The following TK2 variants were observed in gnomAD, a reference collection of about 807,000 sequenced individuals.
TK2 encodes thymidine kinase 2, also known as thymidine kinase 2, mitochondrial.
Under a neutral mutation model 41.9 loss-of-function variants are expected in TK2, and 35 were observed. That is an observed-to-expected ratio of 0.84 (90% CI 0.64 to 1.11). The LOEUF is 1.11. Among genes scored for constraint, TK2 ranks in the 50% least tolerant of loss-of-function variants. The pLI is 0.00. For missense variants in TK2, 320 were observed against 351.1 expected (o/e 0.91, Z 0.71); for synonymous variants, 128 against 129.1 (o/e 0.99, Z 0.06).
chr16:66,519,062 C>T (rs1050811904), intron 6 of TK2, among the ~76,000 whole-genome samples: 18 of 150,058 alleles, frequency 1.2e-4, no homozygotes, highest in Non-Finnish European at 1.5e-5. Flanking sequence ...CCCAGGTTCA[C>T]GCCATTCTCC....
At position 66,517,301 on chromosome 16, in the gene TK2, T is replaced by G; in HGVS notation, c.539-86A>C. On this transcript the variant is annotated intron_variant, in intron 7 of 9. Coordinates refer to ENST00000544898, the MANE Select transcript of TK2 (RefSeq NM_004614.5). The surrounding 1 kb of genome is among the most constrained non-coding windows in gnomAD (Gnocchi z 4.3). ...CACACAGGCAAAGGCGGGAGGAAGG[T>G]CTGCACAGCTCGAGCAGGAAGCAGG... 1 of 1,125,452 alleles carries G rather than the reference T, an allele frequency of 8.9e-7. No individual in the cohort carries two copies. Among genetic ancestry groups the G allele is most frequent in the Non-Finnish European group, 1.4e-6 (1 of 735,468 alleles). 69.7% of individuals were successfully genotyped at this position (1,125,452 alleles called of 1,614,324 possible).
chr16:66,513,890 C>A, intron 8 of TK2, 79 bp from the exon 9 acceptor site: 1 of 1,245,648 alleles, frequency 8.0e-7, no homozygotes, highest in South Asian at 1.2e-5. Flanking sequence ...CAGAGGGGGT[C>A]AAAGTAGTCA....
At chr16:66,519,739 C>T (rs573612204) in intron 6 of TK2, among the ~76,000 whole-genome samples, 4 of 152,314 alleles carry the variant, frequency 2.6e-5, no homozygotes, top group African/African-American at 9.6e-5. Context: ...CCACTAGTGG[C>T]TCCATGTGGG....
intron 4 of TK2, among the ~76,000 whole-genome samples, chr16:66,533,264 G>A (rs1308153032): frequency 1.4e-5 from 2 of 147,000 alleles, no homozygotes; most frequent in Non-Finnish European, 3.0e-5. Context: ...GTAGAGACGG[G>A]GTTTCACCAT....
chr16:66,528,851 T>C (rs1965017005), intron 6 of TK2, 143 bp downstream of exon 6: 2 of 791,070 alleles, frequency 2.5e-6, no homozygotes. Context: ...GATTCGTGGC[T>C]GTTTGTTACA....
intron 1 of TK2, 59 bp downstream of exon 1, chr16:66,549,879 G>GGCC: frequency 6.2e-6 from 8 of 1,297,216 alleles, no homozygotes; most frequent in Non-Finnish European, 7.8e-6. Context: ...GAAGCCGAGG[G>GGCC]GCCGGGAGTA....
rs1301736698 is a variant in TK2, at chr16:66,514,867, C to G, written c.619-1056G>C. On this transcript the variant is annotated intron_variant, in intron 8 of 9. Transcript: ENST00000544898. This position sits in a 1 kb window ranked among gnomAD's most constrained non-coding sequence, Gnocchi z 4.2. Reference sequence around the variant, plus strand: ...GATGCTGTTAGTCTATAACCTTACCCCCAACCCCGTGCTCTCTGAAACGTG... The same window carrying G: ...GATGCTGTTAGTCTATAACCTTACCGCCAACCCCGTGCTCTCTGAAACGTG... Among the ~76,000 whole-genome samples the G allele has an allele frequency of 3.3e-5, 5 of 152,280 alleles. No individual in the cohort carries two copies. Among genetic ancestry groups the G allele is most frequent in the South Asian group, 2.1e-4 (1 of 4,828 alleles).
rs1398086838 is a variant in TK2, at chr16:66,541,915, T to C, written c.195A>G (p.Thr65=). 5.6e-6 allele frequency: 9 copies of C among 1,614,016 alleles called. 1 individual carries two copies. Among genetic ancestry groups the C allele is most frequent in the African/African-American group, 1.3e-5 (1 of 74,902 alleles). ...VEGNIASGKT[T]CLEFFSNATD... ...TCGCGTTGGAGAAGAATTCCAGGCA[T>C]GTCGTCTTCCCACTTGCAATATTGC... The change falls in exon 3 of 10, where the codon ACA becomes ACG. Residue 65 remains threonine (T), a synonymous_variant. Transcript: ENST00000544898.
intron 2 of TK2, among the ~76,000 whole-genome samples, chr16:66,543,425 A>T (rs1229698506): frequency 2.0e-5 from 3 of 152,224 alleles, no homozygotes; most frequent in African/African-American, 7.2e-5. Flanking sequence ...TGCTGATGAC[A>T]TAGGCCCAGT....
rs1330919418 is a variant in TK2, at chr16:66,508,289, A to G, written c.*3679T>C. 4 of 152,262 alleles carry G rather than the reference A, an allele frequency of 2.6e-5. No individual in the cohort carries two copies. The highest frequency in any genetic ancestry group is 9.6e-5 in the African/African-American group (4 of 41,472). 9.4% of individuals were successfully genotyped at this position (152,262 alleles called of 1,614,324 possible). A position where few individuals can be genotyped will look rare whatever the true frequency, so the allele number is the denominator to read the frequency against. On this transcript the variant is annotated 3_prime_UTR_variant, in exon 10 of 10. Transcript: ENST00000544898. The stretch of plus-strand genomic sequence containing the variant: ...CCAAGTTCACCATCTTATGTAAACT[A>G]AAGGAACACGAAATTCACTCTAGCC...
chr16:66,510,881 G>A lies in TK2; in HGVS notation c.*1087C>T, dbSNP rs151120042. 93 of 152,220 alleles carry A rather than the reference G, an allele frequency of 6.1e-4. No individual in the cohort carries two copies. The highest frequency in any genetic ancestry group is 3.7e-3 in the Admixed American group (57 of 15,264). The allele number at this position is 152,220 out of a possible 1,614,324, so 9.4% of individuals were successfully genotyped here. On this transcript the variant is annotated 3_prime_UTR_variant, in exon 10 of 10. Coordinates refer to ENST00000544898, the MANE Select transcript of TK2 (RefSeq NM_004614.5). ...TGCAGTCCAGCTGAGTGAAGCTAAGGTATTTTCTGAGCCAACAAAGATGAT... is the reference window on the plus strand; with the variant it reads ...TGCAGTCCAGCTGAGTGAAGCTAAGATATTTTCTGAGCCAACAAAGATGAT...
At chr16:66,535,445 GTTTC>G (rs1334969058) in intron 4 of TK2, among the ~76,000 whole-genome samples, 1 of 152,104 alleles carries the variant, frequency 6.6e-6, no homozygotes, top group Non-Finnish European at 1.5e-5. Flanking sequence ...TGTTACAGAG[GTTTC>G]TTTGTTATAT....
At chr16:66,528,723 G>T (rs1027206297) in intron 6 of TK2, among the ~76,000 whole-genome samples, 1 of 152,138 alleles carries the variant, frequency 6.6e-6, no homozygotes, top group Non-Finnish European at 1.5e-5. Flanking sequence ...CCTTGCTTAG[G>T]CTATCCTACA....
chr16:66,531,322 A>G, intron 5 of TK2, 58 bp downstream of exon 5: 3 of 1,555,904 alleles, frequency 1.9e-6, no homozygotes, highest in Non-Finnish European at 2.7e-6. Flanking sequence ...TGGCAATCAC[A>G]TACCCCAAGT....
At chr16:66,547,842 C>A in intron 2 of TK2, 1 of 1,201,130 alleles carries the variant, frequency 8.3e-7, no homozygotes, top group Non-Finnish European at 1.1e-6. Context: ...GGCTCCATAC[C>A]ACTTTCTATG....
At chr16:66,534,340 C>A (rs1215659517) in intron 4 of TK2, among the ~76,000 whole-genome samples, 2 of 152,208 alleles carry the variant, frequency 1.3e-5, no homozygotes, top group Middle Eastern at 3.2e-3. Context: ...GCGTTCAAGT[C>A]GTTCAGTGAA....
chr16:66,531,362 T>A lies in TK2; in HGVS notation c.375+18A>T, dbSNP rs763121304. On this transcript the variant is annotated intron_variant, in intron 5 of 9. Transcript: ENST00000544898. ...AGAAAACGTTTAAGAAGGCTGAAACTGAGCATCTGAAACCTACCTGAGGAC... is the reference window on the plus strand; with the variant it reads ...AGAAAACGTTTAAGAAGGCTGAAACAGAGCATCTGAAACCTACCTGAGGAC... The A allele has an allele frequency of 1.2e-6, 2 of 1,612,530 alleles. No homozygotes were observed.
intron 2 of TK2, among the ~76,000 whole-genome samples, chr16:66,542,859 G>A (rs911538131): frequency 2.6e-5 from 4 of 152,128 alleles, no homozygotes; most frequent in African/African-American, 9.7e-5. Context: ...CTGGGAGTGA[G>A]ACTCAAGACT....
Position 66,517,362 on chromosome 16 carries a change from C to T in TK2, c.539-147G>A. ...TCTTGGCTTGACCACTGACCCTCCG[C>T]CTCGACTTTCATTCTCTTTCAGTGT... On this transcript the variant is annotated intron_variant, in intron 7 of 9. Transcript: ENST00000544898. This position sits in a 1 kb window ranked among gnomAD's most constrained non-coding sequence, Gnocchi z 4.3. 1.3e-6 allele frequency: 1 copy of T among 770,706 alleles called. No homozygotes were observed. The highest frequency in any genetic ancestry group is 1.4e-5 in the South Asian group (1 of 73,072). The allele number at this position is 770,706 out of a possible 1,614,324, so 47.7% of individuals were successfully genotyped here. A position where few individuals can be genotyped will look rare whatever the true frequency, so the allele number is the denominator to read the frequency against.
Sources: allele counts gnomAD v4.1 joint callset (sites outside exome capture counted in the v4.1 genomes callset), GRCh38; gene constraint gnomAD v4.1.1; non-coding constraint Gnocchi (gnomAD v3.1); transcripts MANE v1.5; gene names NCBI Gene and HGNC (gene_info 2026-07-23, HGNC 2026-07-21).